Variants in PLCB4 observed in about 807,000 individuals in gnomAD.
PLCB4 encodes 1-phosphatidylinositol 4,5-bisphosphate phosphodiesterase beta-4.
PLCB4 carries 77 observed loss-of-function variants against 178.8 expected under a neutral mutation model. The ratio of observed to expected loss-of-function variants is 0.43; its 90% confidence interval spans 0.36 to 0.52. The LOEUF (loss-of-function observed/expected upper bound fraction) is 0.52, where lower values mean the gene tolerates loss of function less well. Ranked by LOEUF, PLCB4 falls within the 20% of genes least tolerant of loss-of-function variation. The pLI is 0.00. For missense variants in PLCB4, 1,024 were observed against 1,453.4 expected, an observed-to-expected ratio of 0.70 and a Z score of 4.80; for synonymous variants, 496 against 490.8, an observed-to-expected ratio of 1.01 and a Z score of -0.14.
intron 7 of PLCB4, among the ~76,000 whole-genome samples, chr20:9,361,623 T>C (rs1473845210): frequency 6.6e-6 from 1 of 152,080 alleles, no homozygotes; most frequent in Non-Finnish European, 1.5e-5. Flanking sequence ...TTAAAAATGG[T>C]GAAGGTGATA....
chr20:9,346,601 A>G (rs1285611058), intron 7 of PLCB4, among the ~76,000 whole-genome samples: 1 of 152,136 alleles, frequency 6.6e-6, no homozygotes, highest in Non-Finnish European at 1.5e-5. Flanking sequence ...AACGTTTCCA[A>G]GACTGAAAGT....
At chr20:9,275,201 G>A (rs2094440332) in intron 3 of PLCB4, among the ~76,000 whole-genome samples, 1 of 151,678 alleles carries the variant, frequency 6.6e-6, no homozygotes, top group African/African-American at 2.4e-5. Context: ...GAGGGCACAA[G>A]GCACTTCTTA....
intron 3 of PLCB4, among the ~76,000 whole-genome samples, chr20:9,281,037 T>A (rs2094491014): frequency 6.6e-6 from 1 of 151,994 alleles, no homozygotes; most frequent in Non-Finnish European, 1.5e-5. Context: ...TATTAAATCA[T>A]GCTTCAAACT....
rs542054608 is a variant in PLCB4, at chr20:9,098,869, C to T, written c.-79+2527C>T. ...ACAGCCTCCTGGGCTCTGTCACCCACGCAGTTGAGGAGCCTTTTCAAGACT... is the reference window on the plus strand; with the variant it reads ...ACAGCCTCCTGGGCTCTGTCACCCATGCAGTTGAGGAGCCTTTTCAAGACT... On this transcript the variant is annotated intron_variant, in intron 2 of 39. Transcript: ENST00000378473. Among the ~76,000 whole-genome samples, 331 of 149,446 alleles carry T rather than the reference C, an allele frequency of 2.2e-3. 2 individuals are homozygous for T. Among genetic ancestry groups the T allele is most frequent in the African/African-American group, 7.7e-3 (315 of 40,756 alleles).
intron 2 of PLCB4, among the ~76,000 whole-genome samples, chr20:9,097,925 T>C (rs2090980881): frequency 6.6e-6 from 1 of 152,168 alleles, no homozygotes; most frequent in Non-Finnish European, 1.5e-5. Flanking sequence ...GTTCGGCCCA[T>C]TTAAGATAAA....
intron 3 of PLCB4, among the ~76,000 whole-genome samples, chr20:9,218,848 G>A (rs2093763712): frequency 6.6e-6 from 1 of 152,196 alleles, no homozygotes; most frequent in Non-Finnish European, 1.5e-5. Context: ...AGTAGGCAAA[G>A]AGGAGTTGGG....
chr20:9,196,648 T>C (rs1287541651), intron 2 of PLCB4, among the ~76,000 whole-genome samples: 1 of 152,162 alleles, frequency 6.6e-6, no homozygotes, highest in African/African-American at 2.4e-5. Context: ...GTCATGAAGA[T>C]TAGGGGTAGC....
chr20:9,478,818 TGTG>T, intron 39 of PLCB4, 100 bp from the exon 40 acceptor site: 1 of 817,352 alleles, frequency 1.2e-6, no homozygotes, highest in Non-Finnish European at 2.1e-6. Context: ...GTAGCAAGGA[TGTG>T]GTGACAGGAT....
chr20:9,220,156 G>A (rs963551530), intron 3 of PLCB4, among the ~76,000 whole-genome samples: 6 of 152,142 alleles, frequency 3.9e-5, no homozygotes, highest in Admixed American at 2.0e-4. Flanking sequence ...CTTTAGATTG[G>A]CTCTTGCTGA....
intron 1 of PLCB4, among the ~76,000 whole-genome samples, chr20:9,075,664 C>T (rs2089825524): frequency 6.6e-6 from 1 of 152,206 alleles, no homozygotes; most frequent in Non-Finnish European, 1.5e-5. Context: ...CATCCAGGGG[C>T]CCAATTGTGC....
At chr20:9,147,728 C>T (rs1371765157) in intron 2 of PLCB4, among the ~76,000 whole-genome samples, 2 of 152,118 alleles carry the variant, frequency 1.3e-5, no homozygotes, top group African/African-American at 2.4e-5. Flanking sequence ...CTCAGTTGTG[C>T]AAGCACTTTT....
intron 4 of PLCB4, among the ~76,000 whole-genome samples, chr20:9,327,278 A>AC (rs1170859657): frequency 2.3e-5 from 3 of 132,122 alleles, no homozygotes; most frequent in Non-Finnish European, 4.5e-5. Flanking sequence ...GTCTCTACAA[A>AC]AAAAAATTTT....
intron 3 of PLCB4, among the ~76,000 whole-genome samples, chr20:9,254,012 T>C (rs2094208195): frequency 6.6e-6 from 1 of 152,226 alleles, no homozygotes; most frequent in African/African-American, 2.4e-5. Context: ...TAATAGATGA[T>C]GTTCATGTCC....
intron 2 of PLCB4, among the ~76,000 whole-genome samples, chr20:9,154,909 T>TTCCC (rs1300288512): frequency 0.032 from 2,136 of 66,558 alleles, 19 homozygotes; most frequent in Middle Eastern, 0.049. Flanking sequence ...CCTTCCCTCC[T>TTCCC]TCCTTCCTTC....
At chr20:9,395,008 T>C (rs971084029) in intron 18 of PLCB4, among the ~76,000 whole-genome samples, 1 of 152,214 alleles carries the variant, frequency 6.6e-6, no homozygotes, top group Non-Finnish European at 1.5e-5. Context: ...ATTTTTATTA[T>C]TTTGTTTACC....
chr20:9,088,299 G>T (rs2090528200), intron 1 of PLCB4, among the ~76,000 whole-genome samples: 1 of 151,908 alleles, frequency 6.6e-6, no homozygotes, highest in South Asian at 2.1e-4. Flanking sequence ...ACTCTTGGAG[G>T]TGATCTCTGG....
intron 1 of PLCB4, among the ~76,000 whole-genome samples, chr20:9,071,969 T>C (rs1248282631): frequency 6.6e-6 from 1 of 152,238 alleles, no homozygotes; most frequent in East Asian, 1.9e-4. Flanking sequence ...CTGTATTTGA[T>C]ATGCAAAATT....
At chr20:9,305,979 C>T (rs1280504811) in intron 3 of PLCB4, among the ~76,000 whole-genome samples, 1 of 152,146 alleles carries the variant, frequency 6.6e-6, no homozygotes, top group Non-Finnish European at 1.5e-5. Flanking sequence ...ATATCTTTTT[C>T]CCCCATTTAT....
At chr20:9,305,931 G>T (rs749615799) in intron 3 of PLCB4, among the ~76,000 whole-genome samples, 2 of 151,910 alleles carry the variant, frequency 1.3e-5, no homozygotes, top group South Asian at 4.1e-4. Context: ...TGCATATTTT[G>T]TGTCTTCAGT....
Sources: allele counts gnomAD v4.1 joint callset (sites outside exome capture counted in the v4.1 genomes callset), GRCh38; gene constraint gnomAD v4.1.1; transcripts MANE v1.5; gene names NCBI Gene and HGNC (gene_info 2026-07-23, HGNC 2026-07-21).